CORO2B: variants seen among roughly 807,000 people sequenced by gnomAD.
CORO2B encodes the protein coronin 2B.
A neutral mutation model predicts 58.8 loss-of-function variants in CORO2B; 26 were observed. The observed-to-expected ratio is 0.44, with a 90% CI of 0.32 to 0.61. The LOEUF (loss-of-function observed/expected upper bound fraction) is 0.61, where lower values mean the gene tolerates loss of function less well. Ranked by LOEUF, CORO2B falls within the 20% of genes least tolerant of loss-of-function variation. The pLI, the probability that CORO2B is intolerant of heterozygous loss-of-function variation, is 0.04. For missense variants in CORO2B, 460 were observed against 645.1 expected (o/e 0.71, Z 3.11); for synonymous variants, 242 against 253.8 (o/e 0.95, Z 0.44).
intron 1 of CORO2B, among the ~76,000 whole-genome samples, chr15:68,591,446 C>T (rs1272725222): frequency 6.6e-6 from 1 of 152,180 alleles, no homozygotes; most frequent in Non-Finnish European, 1.5e-5. Flanking sequence ...CCATGGGGAG[C>T]TTTGGATGCC....
chr15:68,537,386 T>A, the CORO2B span, among the ~76,000 whole-genome samples: 13 of 152,210 alleles, frequency 8.5e-5, no homozygotes, highest in Non-Finnish European at 1.3e-4. Flanking sequence ...ATGGGCACTC[T>A]GGCTGCTATG....
At chr15:68,546,136 A>G in the CORO2B span, among the ~76,000 whole-genome samples, 1 of 152,018 alleles carries the variant, frequency 6.6e-6, no homozygotes, top group Admixed American at 6.5e-5. Flanking sequence ...CCACTCTCCT[A>G]TTGATGGTCC....
rs1395699339 is a variant in CORO2B, at chr15:68,711,540, A to G, written c.484-2A>G. 10 of 1,609,860 alleles carry G rather than the reference A, an allele frequency of 6.2e-6. No homozygotes were observed. Among genetic ancestry groups the G allele is most frequent in the Non-Finnish European group, 8.5e-6 (10 of 1,177,264 alleles). On this transcript the variant is annotated splice_acceptor_variant, in intron 4 of 11. Transcript: ENST00000261861. LOFTEE classifies it high-confidence loss of function. ...CTGCCTCCCATGCATCTGCCCTCGCAGGTCCTCATCTGGAACCTGGATGTG... is the reference window on the plus strand; with the variant it reads ...CTGCCTCCCATGCATCTGCCCTCGCGGGTCCTCATCTGGAACCTGGATGTG...
chr15:68,579,197 C>T lies in CORO2B; in HGVS notation c.-66C>T. 1.0e-6 allele frequency: 1 copy of T among 987,006 alleles called. No homozygotes were observed. Among genetic ancestry groups the T allele is most frequent in the Non-Finnish European group, 1.2e-6 (1 of 831,580 alleles). The allele number at this position is 987,006 out of a possible 1,614,324, so 61.1% of individuals were successfully genotyped here. On this transcript the variant is annotated 5_prime_UTR_variant, in exon 1 of 12. Coordinates refer to ENST00000261861, the MANE Select transcript of CORO2B (RefSeq NM_006091.5). ...GCTGCCGGACCCCCTTCCGCCGCCG[C>T]CCCGGGCCGCCGCCGCCGCCCCCGC... is the stretch of plus-strand genomic sequence containing the variant.
At chr15:68,676,781 T>G (rs185944130) in intron 2 of CORO2B, among the ~76,000 whole-genome samples, 1 of 152,032 alleles carries the variant, frequency 6.6e-6, no homozygotes, top group East Asian at 1.9e-4. Context: ...CTGGATTATT[T>G]TTTTTTTTAA....
At chr15:68,546,788 A>C in the CORO2B span, among the ~76,000 whole-genome samples, 1 of 151,994 alleles carries the variant, frequency 6.6e-6, no homozygotes, top group Non-Finnish European at 1.5e-5. Context: ...GCTGACCTTG[A>C]CTTTGACCTT....
At chr15:68,537,616 G>A in the CORO2B span, among the ~76,000 whole-genome samples, 2 of 152,098 alleles carry the variant, frequency 1.3e-5, no homozygotes, top group African/African-American at 2.4e-5. Flanking sequence ...CCCAGCATGC[G>A]TCAGCCATGT....
upstream of CORO2B, among the ~76,000 whole-genome samples, chr15:68,576,473 G>A (rs183749243): frequency 3.9e-5 from 6 of 152,302 alleles, no homozygotes; most frequent in East Asian, 1.9e-4. Context: ...CAACAACGGC[G>A]GATGGCGGGA....
rs1456776437 is a variant in CORO2B at position 68,579,075 on chromosome 15, G to A, written c.-188G>A. 3 of 983,634 alleles carry A rather than the reference G, an allele frequency of 3.0e-6. No homozygotes were observed. The highest frequency in any genetic ancestry group is 3.5e-5 in the African/African-American group (2 of 57,024). The allele number at this position is 983,634 out of a possible 1,614,324, so 60.9% of individuals were successfully genotyped here. On this transcript the variant is annotated 5_prime_UTR_variant, in exon 1 of 12. Transcript: ENST00000261861. ...GGGCTGACATCAGCGACGAGCGGCG[G>A]GCGAGCGCCGACGAGCGGTCCCTGC...
intron 3 of CORO2B, 111 bp downstream of exon 3, chr15:68,695,367 T>A: frequency 1.3e-6 from 1 of 764,790 alleles, no homozygotes; most frequent in Non-Finnish European, 2.3e-6. Flanking sequence ...TCTTCCCTCC[T>A]CTTTGTCATC....
intron 2 of CORO2B, among the ~76,000 whole-genome samples, chr15:68,687,284 T>G: frequency 6.6e-6 from 1 of 152,234 alleles, no homozygotes; most frequent in East Asian, 1.9e-4. Context: ...AGTCTGTTCT[T>G]TCTGCCTCGC....
intron 2 of CORO2B, among the ~76,000 whole-genome samples, chr15:68,686,264 G>A (rs1369870328): frequency 6.6e-6 from 1 of 151,796 alleles, no homozygotes; most frequent in Non-Finnish European, 1.5e-5. Flanking sequence ...TCGAACTCCT[G>A]ACCTCAGGTG....
chr15:68,690,636 C>T (rs971560713), intron 2 of CORO2B, among the ~76,000 whole-genome samples: 5 of 142,974 alleles, frequency 3.5e-5, no homozygotes, highest in Non-Finnish European at 7.6e-5. Flanking sequence ...AATGTGATCA[C>T]GTTAGCTTTC....
chr15:68,701,719 C>T (rs532402754), intron 3 of CORO2B, among the ~76,000 whole-genome samples: 1 of 152,078 alleles, frequency 6.6e-6, no homozygotes, highest in South Asian at 2.1e-4. Context: ...CTCCTGACCT[C>T]GTGATCTGCC....
At chr15:68,675,241 C>G (rs576268931) in intron 2 of CORO2B, among the ~76,000 whole-genome samples, 107 of 152,290 alleles carry the variant, frequency 7.0e-4, no homozygotes, top group African/African-American at 2.5e-3. Context: ...CTGGAATTCC[C>G]CTTGCGGCAG....
At chr15:68,637,857 A>G (rs1901081136) in intron 1 of CORO2B, among the ~76,000 whole-genome samples, 1 of 152,036 alleles carries the variant, frequency 6.6e-6, no homozygotes, top group South Asian at 2.1e-4. Flanking sequence ...GCTCTCTTAC[A>G]TTTTCGTGTT....
intron 11 of CORO2B, among the ~76,000 whole-genome samples, chr15:68,722,936 G>A (rs375757121): frequency 7.5e-4 from 114 of 151,412 alleles, no homozygotes; most frequent in Admixed American, 2.6e-3. Flanking sequence ...GTGTGGTGGC[G>A]CACGCCTGTA....
At chr15:68,552,230 C>A in the CORO2B span, among the ~76,000 whole-genome samples, 2 of 152,082 alleles carry the variant, frequency 1.3e-5, no homozygotes, top group African/African-American at 4.8e-5. Flanking sequence ...ACTAAAGCAC[C>A]CAGGAAAAAT....
At chr15:68,602,248 C>G (rs1900003087) in intron 1 of CORO2B, among the ~76,000 whole-genome samples, 2 of 151,912 alleles carry the variant, frequency 1.3e-5, no homozygotes, top group Admixed American at 1.3e-4. Flanking sequence ...GGGAATGACA[C>G]TAGGTTTATG....
Sources: allele counts gnomAD v4.1 joint callset (sites outside exome capture counted in the v4.1 genomes callset), GRCh38; gene constraint gnomAD v4.1.1; transcripts MANE v1.5; gene names NCBI Gene and HGNC (gene_info 2026-07-23, HGNC 2026-07-21).